The following KCNMA1 variants were observed in gnomAD, a reference collection of about 807,000 sequenced individuals.
KCNMA1 encodes potassium calcium-activated channel subfamily M alpha 1.
Under a neutral mutation model 140.0 loss-of-function variants are expected in KCNMA1, and 29 were observed. That is an observed-to-expected ratio of 0.21 (90% CI 0.15 to 0.28). KCNMA1 has a LOEUF of 0.28. KCNMA1 is among the 10% of genes least tolerant of loss of function. KCNMA1 has a pLI of 1.00. For synonymous variants in KCNMA1, 612 were observed against 611.9 expected, an observed-to-expected ratio of 1.00 and a Z score of 0.00; for missense variants, 880 against 1,602.2, an observed-to-expected ratio of 0.55 and a Z score of 7.70.
At chr10:76,990,980 C>T (rs11001961) in intron 19 of KCNMA1, among the ~76,000 whole-genome samples, 77,628 of 151,992 alleles carry the variant, frequency 0.51, 20,067 homozygotes, top group Middle Eastern at 0.6. Flanking sequence ...TACCTCCACG[C>T]GGGAGGAATC....
At chr10:77,340,965 G>A (rs937551181) in intron 2 of KCNMA1, among the ~76,000 whole-genome samples, 3 of 151,902 alleles carry the variant, frequency 2.0e-5, no homozygotes, top group African/African-American at 7.3e-5. Context: ...AAAACAGAAT[G>A]ACTAGTGCTT....
At chr10:77,010,569 G>A (rs1452786209) in intron 18 of KCNMA1, among the ~76,000 whole-genome samples, 1 of 152,022 alleles carries the variant, frequency 6.6e-6, no homozygotes, top group Admixed American at 6.6e-5. Flanking sequence ...TGGAAACAGG[G>A]GGAGGAAACC....
intron 3 of KCNMA1, among the ~76,000 whole-genome samples, chr10:77,192,308 T>A (rs1217663180): frequency 6.6e-6 from 1 of 152,214 alleles, no homozygotes; most frequent in African/African-American, 2.4e-5. Context: ...TTGTTTGTTA[T>A]GAAGTTCTTT....
chr10:77,104,258 G>C (rs2097157023), intron 9 of KCNMA1, among the ~76,000 whole-genome samples: 1 of 152,188 alleles, frequency 6.6e-6, no homozygotes. Flanking sequence ...CTCATTTCAG[G>C]AAGTGTGTGG....
At chr10:76,943,402 A>G (rs1047443868) in intron 23 of KCNMA1, among the ~76,000 whole-genome samples, 1 of 152,206 alleles carries the variant, frequency 6.6e-6, no homozygotes, top group Admixed American at 6.5e-5. Context: ...GACAGAAGCC[A>G]TTTCACATGC....
intron 1 of KCNMA1, among the ~76,000 whole-genome samples, chr10:77,518,378 T>C (rs1247246625): frequency 6.6e-6 from 1 of 152,242 alleles, no homozygotes; most frequent in Non-Finnish European, 1.5e-5. Context: ...TGGCAGGCCC[T>C]GGGACTGAAA....
intron 7 of KCNMA1, among the ~76,000 whole-genome samples, chr10:77,111,671 C>T (rs560306078): frequency 2.0e-5 from 3 of 152,260 alleles, no homozygotes; most frequent in Non-Finnish European, 2.9e-5. Flanking sequence ...TAGCTAAGCG[C>T]GTCCTTCTAT....
intron 1 of KCNMA1, among the ~76,000 whole-genome samples, chr10:77,621,969 C>T (rs1267276047): frequency 2.0e-5 from 3 of 152,212 alleles, no homozygotes; most frequent in African/African-American, 7.2e-5. Flanking sequence ...TGTGCCTCCA[C>T]ATACCCCCCA....
chr10:77,169,968 AT>A (rs1264671900), intron 5 of KCNMA1, among the ~76,000 whole-genome samples: 1 of 152,194 alleles, frequency 6.6e-6, no homozygotes, highest in African/African-American at 2.4e-5. Context: ...AGGTGGGCAG[AT>A]CACTTGAGGT....
intron 1 of KCNMA1, among the ~76,000 whole-genome samples, chr10:77,508,581 C>CTTTTTTTTTTTT (rs761735012): frequency 3.0e-5 from 3 of 99,874 alleles, no homozygotes; most frequent in African/African-American, 4.3e-5. Flanking sequence ...TTTTTCTTTT[C>CTTTTTTTTTTTT]TTTTTTTTTT....
intron 3 of KCNMA1, among the ~76,000 whole-genome samples, chr10:77,193,828 C>A (rs1007947944): frequency 6.6e-6 from 1 of 152,150 alleles, no homozygotes; most frequent in Non-Finnish European, 1.5e-5. Flanking sequence ...AGCTGAGAAT[C>A]TAGACACAAA....
intron 23 of KCNMA1, among the ~76,000 whole-genome samples, chr10:76,926,060 T>C (rs948348958): frequency 2.6e-5 from 4 of 152,156 alleles, no homozygotes; most frequent in African/African-American, 7.2e-5. Context: ...TGTACATACG[T>C]TTATGCTGGC....
chr10:77,017,869 G>A (rs1365832689), intron 17 of KCNMA1, among the ~76,000 whole-genome samples: 2 of 116,240 alleles, frequency 1.7e-5, no homozygotes, highest in African/African-American at 6.3e-5. Context: ...CTATCTCATG[G>A]GGTTGCGTGA....
At chr10:77,184,954 A>T in intron 3 of KCNMA1, 38 bp from the exon 4 acceptor site, 2 of 1,209,730 alleles carry the variant, frequency 1.7e-6, no homozygotes. Context: ...GAGGTAAATG[A>T]CAGGTAGTAT....
At chr10:76,981,558 A>G (rs1267037098) in intron 19 of KCNMA1, among the ~76,000 whole-genome samples, 5 of 152,056 alleles carry the variant, frequency 3.3e-5, no homozygotes, top group Non-Finnish European at 7.4e-5. Flanking sequence ...GTGCAGACAC[A>G]TGGGAGACAG....
At chr10:77,250,651 C>T (rs1160236766) in intron 3 of KCNMA1, 2 of 170,174 alleles carry the variant, frequency 1.2e-5, no homozygotes, top group African/African-American at 4.8e-5. Context: ...ATGAACTCCT[C>T]CATCCATCTC....
chr10:77,517,911 A>G (rs1173832971), intron 1 of KCNMA1, among the ~76,000 whole-genome samples: 4 of 152,242 alleles, frequency 2.6e-5, no homozygotes, highest in African/African-American at 7.2e-5. Flanking sequence ...TAAGACAAAT[A>G]TAAGATGGTG....
chr10:77,420,190 C>T (rs2096837410), intron 1 of KCNMA1, among the ~76,000 whole-genome samples: 1 of 152,212 alleles, frequency 6.6e-6, no homozygotes, highest in Non-Finnish European at 1.5e-5. Context: ...CTGTCAGGCA[C>T]ATGAAGCAAT....
At chr10:77,543,585 G>A (rs945367829) in intron 1 of KCNMA1, among the ~76,000 whole-genome samples, 1 of 152,078 alleles carries the variant, frequency 6.6e-6, no homozygotes, top group East Asian at 1.9e-4. Flanking sequence ...TGCTATAGAA[G>A]AAATTAACAA....
Sources: gnomAD v4.1 joint callset for allele counts (sites outside exome capture counted in the v4.1 genomes callset) on GRCh38, gnomAD v4.1.1 for gene constraint, MANE v1.5 for transcripts, NCBI Gene and HGNC (gene_info 2026-07-23, HGNC 2026-07-21) for gene names.